OVOL2: variants seen among roughly 807,000 people sequenced by gnomAD.
The protein encoded by OVOL2 is ovo like zinc finger 2.
A neutral mutation model predicts 18.1 loss-of-function variants in OVOL2; 13 were observed. That is an observed-to-expected ratio of 0.72 (90% CI 0.47 to 1.14). The LOEUF (loss-of-function observed/expected upper bound fraction) is 1.14. Among genes scored for constraint, OVOL2 ranks in the 50% most tolerant of loss-of-function variants. The pLI, the probability that OVOL2 is intolerant of heterozygous loss-of-function variation, is 0.00. For missense variants in OVOL2, 335 were observed against 383.0 expected, an observed-to-expected ratio of 0.87 and a Z score of 1.05; for synonymous variants, 166 against 162.7, an observed-to-expected ratio of 1.02 and a Z score of -0.16.
At position 18,056,993 on chromosome 20, in the gene OVOL2, C is replaced by A. The variant is rs990730248; in HGVS notation, c.101-116G>T. On this transcript the variant is annotated intron_variant, in intron 1 of 3. Transcript: ENST00000278780. The surrounding 1 kb of genome is among the most constrained non-coding windows in gnomAD (Gnocchi z 4.2). The stretch of plus-strand genomic sequence containing the variant: ...CCCCGCCCCGGACCTGGGCACCTCG[C>A]CAAGTGGGCAACGTCGCGGGGGAGG... 4 of 1,229,752 alleles carry A rather than the reference C, an allele frequency of 3.3e-6. No individual in the cohort carries two copies. Among genetic ancestry groups the A allele is most frequent in the Non-Finnish European group, 4.2e-6 (4 of 945,952 alleles). 76.2% of individuals were successfully genotyped at this position (1,229,752 alleles called of 1,614,324 possible).
intron 2 of OVOL2, among the ~76,000 whole-genome samples, chr20:18,048,571 C>T (rs1357278176): frequency 6.6e-6 from 1 of 151,954 alleles, no homozygotes; most frequent in Admixed American, 6.6e-5. Context: ...TACTAAAATA[C>T]AAAAATTAGC....
At chr20:18,033,230 GC>G (rs2034409296) in intron 3 of OVOL2, among the ~76,000 whole-genome samples, 1 of 152,124 alleles carries the variant, frequency 6.6e-6, no homozygotes, top group African/African-American at 2.4e-5. Flanking sequence ...CTGAATGTAG[GC>G]CCCGATGGAA....
chr20:18,040,019 C>G (rs534904061), intron 3 of OVOL2, among the ~76,000 whole-genome samples: 5 of 152,064 alleles, frequency 3.3e-5, no homozygotes, highest in Non-Finnish European at 7.4e-5. Flanking sequence ...CAAACTCCTA[C>G]GTTCAAGCGA....
chr20:18,039,446 A>G (rs1334695631), intron 3 of OVOL2, among the ~76,000 whole-genome samples: 4 of 151,804 alleles, frequency 2.6e-5, no homozygotes, highest in Non-Finnish European at 5.9e-5. Context: ...ACATGACGAA[A>G]TCTCATCTCT....
chr20:18,055,755 C>T (rs538259406), intron 2 of OVOL2, among the ~76,000 whole-genome samples: 10 of 152,318 alleles, frequency 6.6e-5, no homozygotes, highest in African/African-American at 2.4e-4. Flanking sequence ...GAATTACCAC[C>T]TGCACCGGGG....
intron 2 of OVOL2, among the ~76,000 whole-genome samples, chr20:18,045,512 G>T (rs1200357727): frequency 6.6e-6 from 1 of 152,118 alleles, no homozygotes; most frequent in East Asian, 1.9e-4. Flanking sequence ...ATCTCAAATC[G>T]TCGGTATTAT....
In OVOL2 at chr20:18,041,650, C is replaced by A; in HGVS notation, c.395G>T (p.Arg132Leu). 4 of 1,614,036 alleles carry A rather than the reference C, an allele frequency of 2.5e-6. No homozygotes were observed. Among genetic ancestry groups the A allele is most frequent in the Non-Finnish European group, 3.4e-6 (4 of 1,180,004 alleles). The change falls in exon 3 of 4, where the codon CGC becomes CTC. Residue 132 changes from arginine to leucine, a missense_variant. By Grantham distance (102) the Arg-to-Leu change is moderately radical (BLOSUM62 -2). Coordinates refer to ENST00000278780, the MANE Select transcript of OVOL2 (RefSeq NM_021220.4). ...DLCGKGFRLQ[R>L]MLNRHLKCHN... ...GCACTTGAGGTGACGGTTCAGCATG[C>A]GCTGCAGACGGAAGCCCTTGCCACA...
At position 18,056,678 on chromosome 20, in the gene OVOL2, C is replaced by A. The variant is rs1347288527; in HGVS notation, c.300G>T (p.Pro100=). ...GTACCTTGATTTTCGATCTGGCGACCGGGCGCTGCTTGGTCGCCAGGTGTC... is the reference window on the plus strand; with the variant it reads ...GTACCTTGATTTTCGATCTGGCGACAGGGCGCTGCTTGGTCGCCAGGTGTC... ...PDGHLATKQR[P]VARSKIKFTT... The change falls in exon 2 of 4, where the codon CCG becomes CCT. Residue 100 remains proline (P), a synonymous_variant. Transcript: ENST00000278780. The surrounding 1 kb of genome is among the most constrained non-coding windows in gnomAD (Gnocchi z 4.2). 7.0e-7 allele frequency: 1 copy of A among 1,432,828 alleles called. No homozygotes were observed. The allele number at this position is 1,432,828 out of a possible 1,614,324, so 88.8% of individuals were successfully genotyped here.
At chr20:18,051,837 A>G (rs1321765106) in intron 2 of OVOL2, among the ~76,000 whole-genome samples, 3 of 152,078 alleles carry the variant, frequency 2.0e-5, no homozygotes, top group Non-Finnish European at 4.4e-5. Context: ...GGTTCAAGCG[A>G]TTCTCCTGCC....
chr20:18,035,969 C>T (rs1406872251), intron 3 of OVOL2, among the ~76,000 whole-genome samples: 3 of 152,146 alleles, frequency 2.0e-5, no homozygotes, highest in Admixed American at 2.0e-4. Context: ...GCCCAAAATA[C>T]TACCATTTCA....
chr20:18,024,508 CA>C lies in OVOL2; in HGVS notation c.*127del. The C allele has an allele frequency of 6.9e-7, 1 of 1,440,748 alleles. No individual in the cohort carries two copies. The allele number at this position is 1,440,748 out of a possible 1,614,324, so 89.2% of individuals were successfully genotyped here. On this transcript the variant is annotated 3_prime_UTR_variant, in exon 4 of 4. Transcript: ENST00000278780. The stretch of plus-strand genomic sequence containing the variant: ...GGAATGGACCCTACTGCTGATGTTT[CA>C]AAAGGACACAGAGGTGAACTGGTCA...
intron 3 of OVOL2, among the ~76,000 whole-genome samples, chr20:18,031,907 CT>C (rs2036573680): frequency 6.6e-6 from 1 of 152,202 alleles, no homozygotes; most frequent in Non-Finnish European, 1.5e-5. Flanking sequence ...AAATTCTACA[CT>C]TTGGAACTTT....
intron 2 of OVOL2, among the ~76,000 whole-genome samples, chr20:18,044,324 TCTCAA>T (rs964683815): frequency 5.1e-4 from 77 of 152,316 alleles, no homozygotes; most frequent in African/African-American, 1.8e-3. Flanking sequence ...CATCTTGTTT[TCTCAA>T]CTCAACACTT....
At chr20:18,028,467 G>A (rs1251851660) in intron 3 of OVOL2, among the ~76,000 whole-genome samples, 2 of 150,388 alleles carry the variant, frequency 1.3e-5, no homozygotes, top group African/African-American at 2.4e-5. Context: ...ATGAACCACC[G>A]TGCCTGGCCC....
At chr20:18,059,171 C>G (rs2036856249), upstream of OVOL2, 1 of 152,342 alleles carries the variant, frequency 6.6e-6, no homozygotes, top group African/African-American at 2.4e-5. Flanking sequence ...CTGAATGGCC[C>G]TTGGGGACAC....
chr20:18,029,695 T>C (rs1412551808), intron 3 of OVOL2, among the ~76,000 whole-genome samples: 1 of 152,066 alleles, frequency 6.6e-6, no homozygotes, highest in Admixed American at 6.6e-5. Flanking sequence ...AAAACTATTC[T>C]AGGATGGGTG....
chr20:18,048,005 C>T (rs997511716), intron 2 of OVOL2, among the ~76,000 whole-genome samples: 77 of 151,820 alleles, frequency 5.1e-4, no homozygotes, highest in Admixed American at 6.6e-4. Context: ...TCTTGTTTCT[C>T]GGCCAGATAC....
chr20:18,041,311 C>CT (rs1224322125), intron 3 of OVOL2, among the ~76,000 whole-genome samples: 2 of 151,034 alleles, frequency 1.3e-5, no homozygotes, highest in African/African-American at 4.9e-5. Flanking sequence ...TTACAGGCGC[C>CT]ACCACCACGC....
intron 2 of OVOL2, among the ~76,000 whole-genome samples, chr20:18,044,075 T>A (rs2036701866): frequency 6.6e-6 from 1 of 152,132 alleles, no homozygotes; most frequent in Admixed American, 6.5e-5. Context: ...CTGCAGCCCA[T>A]GACTAAACTG....
Sources: allele counts gnomAD v4.1 joint callset (sites outside exome capture counted in the v4.1 genomes callset), GRCh38; gene constraint gnomAD v4.1.1; non-coding constraint Gnocchi (gnomAD v3.1); transcripts MANE v1.5; gene names NCBI Gene and HGNC (gene_info 2026-07-23, HGNC 2026-07-21).